The following NDUFAF5 variants were observed in gnomAD, a reference collection of about 807,000 sequenced individuals.
NDUFAF5 encodes the protein NADH:ubiquinone oxidoreductase complex assembly factor 5.
NDUFAF5 carries 34 observed loss-of-function variants against 48.9 expected under a neutral mutation model. That is an observed-to-expected ratio of 0.70 (90% CI 0.53 to 0.93). The LOEUF (loss-of-function observed/expected upper bound fraction) is 0.93. Among genes scored for constraint, NDUFAF5 ranks in the 40% least tolerant of loss-of-function variants. NDUFAF5 has a pLI of 0.00. For missense variants in NDUFAF5, 428 were observed against 427.5 expected, an observed-to-expected ratio of 1.00 and a Z score of -0.01; for synonymous variants, 153 against 150.6, an observed-to-expected ratio of 1.02 and a Z score of -0.12.
chr20:13,799,698 C>CAA (rs780212570), intron 6 of NDUFAF5, among the ~76,000 whole-genome samples: 6 of 81,448 alleles, frequency 7.4e-5, no homozygotes, highest in Non-Finnish European at 1.2e-4. Flanking sequence ...GACTCTGTCT[C>CAA]AAAAAAAAAA....
At chr20:13,789,364 C>T (rs1469306521) in intron 3 of NDUFAF5, among the ~76,000 whole-genome samples, 17 of 152,104 alleles carry the variant, frequency 1.1e-4, no homozygotes, top group Admixed American at 1.1e-3. Context: ...GGGGTTTCAC[C>T]ATGTTGGCAA....
At chr20:13,791,294 G>A (rs1982238883) in intron 3 of NDUFAF5, among the ~76,000 whole-genome samples, 1 of 152,190 alleles carries the variant, frequency 6.6e-6, no homozygotes, top group African/African-American at 2.4e-5. Context: ...CACTGTCTGT[G>A]TATACTCAGA....
intron 4 of NDUFAF5, among the ~76,000 whole-genome samples, chr20:13,794,039 A>AG (rs1353683639): frequency 6.6e-6 from 1 of 152,150 alleles, no homozygotes; most frequent in Non-Finnish European, 1.5e-5. Context: ...CTTGGTTTTT[A>AG]GGGATATTAA....
chr20:13,813,504 G>A lies in NDUFAF5; in HGVS notation c.779-2959G>A, dbSNP rs17812495. Reference sequence around the variant, plus strand: ...GAGCATCTACCCATGTGCCAACCACGGAGCCAGTGGTGGAAATACGTAGTT... The same window carrying A: ...GAGCATCTACCCATGTGCCAACCACAGAGCCAGTGGTGGAAATACGTAGTT... On this transcript the variant is annotated intron_variant, in intron 8 of 10. Coordinates refer to ENST00000378106, the MANE Select transcript of NDUFAF5 (RefSeq NM_024120.5). Among the ~76,000 whole-genome samples the A allele has an allele frequency of 2.6e-3, 395 of 152,276 alleles. 1 individual carries two copies. Among genetic ancestry groups the A allele is most frequent in the Non-Finnish European group, 4.7e-3 (320 of 68,024 alleles).
intron 1 of NDUFAF5, among the ~76,000 whole-genome samples, chr20:13,786,537 A>G (rs1364235319): frequency 1.3e-5 from 2 of 152,170 alleles, no homozygotes; most frequent in Non-Finnish European, 2.9e-5. Flanking sequence ...CATATTAGGA[A>G]TGACGTACAA....
intron 3 of NDUFAF5, among the ~76,000 whole-genome samples, chr20:13,791,081 C>T (rs1377563168): frequency 6.6e-6 from 1 of 152,128 alleles, no homozygotes; most frequent in Non-Finnish European, 1.5e-5. Flanking sequence ...GTTTAAGTTA[C>T]ACCTTTTGTG....
chr20:13,810,901 A>G lies in NDUFAF5; in HGVS notation c.778+1999A>G, dbSNP rs186646308. On this transcript the variant is annotated intron_variant, in intron 8 of 10. Coordinates refer to ENST00000378106, the MANE Select transcript of NDUFAF5 (RefSeq NM_024120.5). ...GGTCTATTTTTTTTGTCAAACTGGA[A>G]GTAATATATGCTAAGAATGAAAGGG... Among the ~76,000 whole-genome samples, 99 of 152,262 alleles carry G rather than the reference A, an allele frequency of 6.5e-4. 1 individual carries two copies. In the East Asian group the frequency reaches 0.018, roughly 28 times the overall value.
At position 13,801,558 on chromosome 20, in the gene NDUFAF5, C is replaced by T. The variant is rs1265153312; in HGVS notation, c.592C>T (p.Arg198Trp). The T allele has an allele frequency of 5.0e-6, 8 of 1,613,824 alleles. No individual in the cohort carries two copies. The highest frequency in any genetic ancestry group is 1.7e-5 in the Admixed American group (1 of 59,990). Residue 198 changes from arginine to tryptophan, a missense_variant, in exon 7 of 11, where the codon CGG (arginine) becomes TGG (tryptophan). By Grantham distance (101) the Arg-to-Trp change is moderately radical (BLOSUM62 -3). Coordinates refer to ENST00000378106, the MANE Select transcript of NDUFAF5 (RefSeq NM_024120.5). ...TGGAGGCGACACACTCTATGAACTTCGGTGTTCCTTACAGTTAGCGGAAAC... is the reference window on the plus strand; with the variant it reads ...TGGAGGCGACACACTCTATGAACTTTGGTGTTCCTTACAGTTAGCGGAAAC... ...MFGGDTLYELRCSLQLAETER... is the reference protein window; with the variant it reads ...MFGGDTLYELWCSLQLAETER...
intron 6 of NDUFAF5, among the ~76,000 whole-genome samples, chr20:13,799,412 G>T (rs1983762507): frequency 6.6e-6 from 1 of 152,096 alleles, no homozygotes; most frequent in Non-Finnish European, 1.5e-5. Context: ...AGAAACTGAT[G>T]CCTCGGCTGG....
At chr20:13,795,861 A>T (rs905454115) in intron 5 of NDUFAF5, among the ~76,000 whole-genome samples, 1 of 151,982 alleles carries the variant, frequency 6.6e-6, no homozygotes, top group Non-Finnish European at 1.5e-5. Context: ...TCTCAAGATT[A>T]CTCTTTTCCC....
intron 2 of NDUFAF5, 97 bp downstream of exon 2, chr20:13,787,449 G>A: frequency 8.8e-7 from 1 of 1,139,578 alleles, no homozygotes; most frequent in South Asian, 1.2e-5. Flanking sequence ...GGCAGAACCT[G>A]GAAGAATTTA....
chr20:13,795,551 GC>G (rs1983067832), intron 5 of NDUFAF5, among the ~76,000 whole-genome samples: 1 of 152,148 alleles, frequency 6.6e-6, no homozygotes, highest in African/African-American at 2.4e-5. Flanking sequence ...AGGTACAGTG[GC>G]TCTCACCAGC....
rs1409960207 is a variant in NDUFAF5 at position 13,817,987 on chromosome 20, A to T, written c.*777A>T. ...GGAAGCAGGGAGAAGGCTGAGAAGC[A>T]AGCAGGAGTGAGCGCTAAGTGTTTT... On this transcript the variant is annotated 3_prime_UTR_variant, in exon 11 of 11. Transcript: ENST00000378106. 6.6e-6 allele frequency: 3 copies of T among 454,048 alleles called. No homozygotes were observed. The highest frequency in any genetic ancestry group is 6.0e-5 in the African/African-American group (3 of 50,016). The allele number at this position is 454,048 out of a possible 1,614,324, so 28.1% of individuals were successfully genotyped here. A position where few individuals can be genotyped will look rare whatever the true frequency, so the allele number is the denominator to read the frequency against.
rs1399494582 is a variant in NDUFAF5, at chr20:13,818,819, GGTGT to G, written c.*1612_*1615del. On this transcript the variant is annotated 3_prime_UTR_variant, in exon 11 of 11. Coordinates refer to ENST00000378106, the MANE Select transcript of NDUFAF5 (RefSeq NM_024120.5). ...GCTGAGGAAGGGGACTGAGGAACTG[GGTGT>G]GTCTGTGTCATTCTGTTTGAATGTC... 1 of 154,048 alleles carries G rather than the reference GGTGT, an allele frequency of 6.5e-6. No individual in the cohort carries two copies. Among genetic ancestry groups the G allele is most frequent in the Non-Finnish European group, 1.4e-5 (1 of 69,372 alleles). The allele number at this position is 154,048 out of a possible 1,614,324, so 9.5% of individuals were successfully genotyped here.
At position 13,785,284 on chromosome 20, in the gene NDUFAF5, G is replaced by A. The variant is rs377716355; in HGVS notation, c.216G>A (p.Lys72=). ...AGCCGACCAAATTTGACTACCTGAAGGAGGAGGTGAGCCCGCGGGGCGGCG... is the reference window on the plus strand; with the variant it reads ...AGCCGACCAAATTTGACTACCTGAAAGAGGAGGTGAGCCCGCGGGGCGGCG... ...QPEPTKFDYL[K]EEVGSRIADR... is the part of the protein sequence containing the mutation. Residue 72 remains lysine (K), a synonymous_variant, in exon 1 of 11, where the codon AAG becomes AAA. Transcript: ENST00000378106. 1,401 of 1,581,338 alleles carry A rather than the reference G, an allele frequency of 8.9e-4. No homozygotes were observed. Among genetic ancestry groups the A allele is most frequent in the Non-Finnish European group, 1.2e-3 (1,350 of 1,154,562 alleles).
intron 3 of NDUFAF5, among the ~76,000 whole-genome samples, chr20:13,791,443 C>G (rs924663311): frequency 6.6e-6 from 1 of 152,176 alleles, no homozygotes; most frequent in African/African-American, 2.4e-5. Flanking sequence ...TTGGAAGTCC[C>G]TTTCAGAAGT....
chr20:13,803,498 T>C (rs1041028523), intron 7 of NDUFAF5: 20 of 152,340 alleles, frequency 1.3e-4, no homozygotes, highest in African/African-American at 4.1e-4. Flanking sequence ...TATTAAGCTA[T>C]ACAGATAAAG....
intron 8 of NDUFAF5, among the ~76,000 whole-genome samples, chr20:13,813,430 A>G (rs1986107150): frequency 6.6e-6 from 1 of 152,216 alleles, no homozygotes; most frequent in Admixed American, 6.5e-5. Flanking sequence ...AACAAAATAG[A>G]TATAATCATT....
At chr20:13,803,894 C>G (rs1368362534) in intron 7 of NDUFAF5, among the ~76,000 whole-genome samples, 1 of 151,972 alleles carries the variant, frequency 6.6e-6, no homozygotes. Flanking sequence ...CAAGTGATTC[C>G]CCTGCCTCAG....
Sources: allele counts gnomAD v4.1 joint callset (sites outside exome capture counted in the v4.1 genomes callset), GRCh38; gene constraint gnomAD v4.1.1; transcripts MANE v1.5; gene names NCBI Gene and HGNC (gene_info 2026-07-23, HGNC 2026-07-21).